Variants in SH3YL1 observed in about 807,000 individuals in gnomAD.
The protein encoded by SH3YL1 is SH3 and SYLF domain containing 1, also known as SH3 domain-containing YSC84-like protein 1.
A neutral mutation model predicts 45.8 loss-of-function variants in SH3YL1; 41 were observed. The observed-to-expected ratio is 0.89, with a 90% CI of 0.70 to 1.16. The LOEUF (loss-of-function observed/expected upper bound fraction) is 1.16, where lower values mean the gene tolerates loss of function less well. Ranked by LOEUF, SH3YL1 falls within the 50% of genes most tolerant of loss-of-function variation. The pLI is 0.00. For missense variants in SH3YL1, 389 were observed against 409.6 expected (o/e 0.95, Z 0.43); for synonymous variants, 152 against 151.4 (o/e 1.00, Z -0.03).
chr2:243,491 G>T (rs1197682375), intron 4 of SH3YL1: 5 of 1,511,596 alleles, frequency 3.3e-6, no homozygotes. Context: ...GGAAAATGAA[G>T]ACACAACATA....
intron 2 of SH3YL1, among the ~76,000 whole-genome samples, chr2:251,655 T>C (rs1244696156): frequency 6.6e-6 from 1 of 152,176 alleles, no homozygotes; most frequent in Non-Finnish European, 1.5e-5. Flanking sequence ...TTGGGAGGAA[T>C]GCAGACTGAT....
At chr2:263,020 C>G (rs1669650877) in intron 1 of SH3YL1, among the ~76,000 whole-genome samples, 1 of 152,148 alleles carries the variant, frequency 6.6e-6, no homozygotes, top group Non-Finnish European at 1.5e-5. Context: ...AGTCGCTGCA[C>G]AAGTATTTTA....
Position 219,004 on chromosome 2 carries a change from G to A in SH3YL1, c.839-3C>T. 1.3e-6 allele frequency: 2 copies of A among 1,597,400 alleles called. No homozygotes were observed. Among genetic ancestry groups the A allele is most frequent in the Non-Finnish European group, 1.7e-6 (2 of 1,172,888 alleles). On this transcript the variant is annotated splice_region_variant and splice_polypyrimidine_tract_variant and intron_variant, in intron 9 of 9. Coordinates refer to ENST00000356150, the MANE Select transcript of SH3YL1 (RefSeq NM_015677.4). ...TTCTATGGGTTGATTCAAATTGCCT[G>A]AAACAAGAAAAAAGTATTCACGTTT...
intron 4 of SH3YL1, among the ~76,000 whole-genome samples, chr2:238,824 C>A (rs1388760301): frequency 2.0e-5 from 3 of 152,212 alleles, no homozygotes; most frequent in Non-Finnish European, 2.9e-5. Flanking sequence ...ACCACAAAAA[C>A]TTCCCCCTCC....
intron 8 of SH3YL1, among the ~76,000 whole-genome samples, chr2:226,371 T>C (rs553765922): frequency 8.5e-5 from 13 of 152,124 alleles, no homozygotes; most frequent in South Asian, 4.2e-4. Flanking sequence ...ATAGGAAAAA[T>C]AGACCAATGA....
At chr2:244,053 A>T (rs1668666646) in intron 4 of SH3YL1, among the ~76,000 whole-genome samples, 1 of 152,116 alleles carries the variant, frequency 6.6e-6, no homozygotes. Flanking sequence ...TGGATGTGGG[A>T]GCAGACGCTT....
intron 1 of SH3YL1, among the ~76,000 whole-genome samples, chr2:259,266 TATG>T (rs2103059761): frequency 6.6e-6 from 1 of 152,352 alleles, no homozygotes; most frequent in Admixed American, 6.5e-5. Context: ...TTTGTTCTTT[TATG>T]ATGAGCAATG....
At chr2:230,911 G>T in intron 7 of SH3YL1, 112 bp downstream of exon 7, 1 of 972,286 alleles carries the variant, frequency 1.0e-6, no homozygotes. Context: ...TGAAGTCAGT[G>T]AAACTACGAA....
intron 5 of SH3YL1, 125 bp from the exon 6 acceptor site, chr2:233,354 A>G: frequency 9.1e-7 from 1 of 1,093,582 alleles, no homozygotes; most frequent in Non-Finnish European, 1.2e-6. Context: ...AGCTGTTTCT[A>G]TGTTTTACTT....
intron 4 of SH3YL1, chr2:244,566 G>GAAAA (rs1668704020): frequency 5.9e-5 from 3 of 50,558 alleles, no homozygotes; most frequent in African/African-American, 9.3e-5. Flanking sequence ...GAAAAGAAAA[G>GAAAA]AAAAAGAAAG....
intron 1 of SH3YL1, among the ~76,000 whole-genome samples, chr2:257,196 T>C (rs1419303681): frequency 6.6e-6 from 1 of 152,218 alleles, no homozygotes; most frequent in Non-Finnish European, 1.5e-5. Context: ...GTTTTCTCTG[T>C]TGATAGTTTC....
At chr2:243,258 A>C (rs181309531) in intron 4 of SH3YL1, among the ~76,000 whole-genome samples, 1 of 152,310 alleles carries the variant, frequency 6.6e-6, no homozygotes, top group Non-Finnish European at 1.5e-5. Context: ...ATTGTACAGG[A>C]CAAAAGTCTA....
intron 1 of SH3YL1, among the ~76,000 whole-genome samples, chr2:253,953 C>T (rs184549388): frequency 1.2e-3 from 188 of 152,216 alleles, no homozygotes; most frequent in African/African-American, 4.3e-3. Flanking sequence ...TCTAAACTCT[C>T]ATCTCAGAAA....
At chr2:230,071 C>T (rs1265854481) in intron 7 of SH3YL1, 27 bp from the exon 8 acceptor site, 2 of 1,547,018 alleles carry the variant, frequency 1.3e-6, no homozygotes, top group Non-Finnish European at 1.8e-6. Context: ...GATAAATACA[C>T]ATAATTTTAA....
At chr2:224,046 G>A (rs918409115) in intron 9 of SH3YL1, among the ~76,000 whole-genome samples, 1 of 152,042 alleles carries the variant, frequency 6.6e-6, no homozygotes, top group South Asian at 2.1e-4. Flanking sequence ...CCTAATTTTT[G>A]GTATTTTATT....
intron 4 of SH3YL1, among the ~76,000 whole-genome samples, chr2:235,249 G>C (rs1275542428): frequency 6.6e-6 from 1 of 152,270 alleles, no homozygotes; most frequent in East Asian, 1.9e-4. Flanking sequence ...GGTCAACACA[G>C]TGAAAGCATT....
intron 9 of SH3YL1, chr2:222,406 G>C (rs1667617430): frequency 6.6e-6 from 1 of 152,472 alleles, no homozygotes; most frequent in Non-Finnish European, 1.5e-5. Flanking sequence ...AAAAATCACA[G>C]CCTTGGGAAG....
chr2:246,956 T>G (rs1226138637), intron 4 of SH3YL1, among the ~76,000 whole-genome samples: 6 of 152,132 alleles, frequency 3.9e-5, no homozygotes, highest in African/African-American at 1.4e-4. Context: ...AGATTCAATT[T>G]CCAGGCCCTT....
At position 234,365 on chromosome 2, in the gene SH3YL1, T is replaced by C. The variant is rs13389787; in HGVS notation, c.292-93A>G. On this transcript the variant is annotated intron_variant, in intron 4 of 9. Transcript: ENST00000356150. ...TAACACTCAACTACACCATATGCAC[T>C]GTAGCAAAACATCAATAGAGACAGG... The C allele has an allele frequency of 1.0e-3, 876 of 858,028 alleles. 9 individuals carry two copies. In the African/African-American group the frequency reaches 0.014, roughly 13 times the overall value. 53.2% of individuals were successfully genotyped at this position (858,028 alleles called of 1,614,324 possible). A position where few individuals can be genotyped will look rare whatever the true frequency, so the allele number is the denominator to read the frequency against.
Sources: gnomAD v4.1 joint callset for allele counts (sites outside exome capture counted in the v4.1 genomes callset) on GRCh38, gnomAD v4.1.1 for gene constraint, MANE v1.5 for transcripts, NCBI Gene and HGNC (gene_info 2026-07-23, HGNC 2026-07-21) for gene names.